The following ZNF652 variants were observed in gnomAD, a reference collection of about 807,000 sequenced individuals.
The protein encoded by ZNF652 is zinc finger protein 652.
Under a neutral mutation model 45.2 loss-of-function variants are expected in ZNF652, and 16 were observed. The ratio of observed to expected loss-of-function variants is 0.35; its 90% CI spans 0.24 to 0.54. The LOEUF (loss-of-function observed/expected upper bound fraction) is 0.54. ZNF652 is among the 20% of genes least tolerant of loss of function. ZNF652 has a pLI of 0.91. For synonymous variants in ZNF652, 250 were observed against 260.6 expected (o/e 0.96, Z 0.39); for missense variants, 614 against 765.6 (o/e 0.80, Z 2.34).
At chr17:49,347,735 G>GGTTTTT (rs1481178311) in intron 1 of ZNF652, among the ~76,000 whole-genome samples, 1 of 124,410 alleles carries the variant, frequency 8.0e-6, no homozygotes. Context: ...TTGAACCTTG[G>GGTTTTT]TTTTGTTTTT....
At chr17:49,335,105 A>G (rs1202004765) in intron 1 of ZNF652, among the ~76,000 whole-genome samples, 1 of 152,200 alleles carries the variant, frequency 6.6e-6, no homozygotes, top group Non-Finnish European at 1.5e-5. Context: ...CTTTAAAATG[A>G]TAAATTTTAT....
rs1450065501 is a variant in ZNF652, at chr17:49,295,066, T to A, written c.*3347A>T. On this transcript the variant is annotated 3_prime_UTR_variant, in exon 6 of 6. Coordinates refer to ENST00000430262, the MANE Select transcript of ZNF652 (RefSeq NM_001145365.3). ...CACATATATGTTTAAGGCTTAATCC[T>A]GCAGTTCTTCTATTCAGAAGCATTA... The A allele has an allele frequency of 6.6e-6, 1 of 152,106 alleles. No individual in the cohort carries two copies. Among genetic ancestry groups the A allele is most frequent in the Non-Finnish European group, 1.5e-5 (1 of 68,032 alleles). The allele number at this position is 152,106 out of a possible 1,614,324, so 9.4% of individuals were successfully genotyped here.
intron 1 of ZNF652, among the ~76,000 whole-genome samples, chr17:49,341,955 G>A (rs1459598544): frequency 6.6e-6 from 1 of 152,170 alleles, no homozygotes; most frequent in Non-Finnish European, 1.5e-5. Flanking sequence ...GGAGGCCAAG[G>A]CAGGCAGATC....
intron 5 of ZNF652, among the ~76,000 whole-genome samples, chr17:49,305,563 T>TAC (rs1317306527): frequency 6.6e-6 from 1 of 152,116 alleles, no homozygotes; most frequent in Non-Finnish European, 1.5e-5. Context: ...CAGTATCTGG[T>TAC]AAAGTGCTTA....
chr17:49,294,440 C>A lies in ZNF652; in HGVS notation c.*3973G>T, dbSNP rs935553240. The stretch of plus-strand genomic sequence containing the variant: ...TAAAGTTTTTTTTGTGGCGATCTCC[C>A]CTCTTGCTAAAAATAAGAATCCAGT... On this transcript the variant is annotated 3_prime_UTR_variant, in exon 6 of 6. Transcript: ENST00000430262. 2 of 152,076 alleles carry A rather than the reference C, an allele frequency of 1.3e-5. No individual in the cohort carries two copies. The highest frequency in any genetic ancestry group is 4.8e-5 in the African/African-American group (2 of 41,400). 9.4% of individuals were successfully genotyped at this position (152,076 alleles called of 1,614,324 possible).
chr17:49,354,504 G>A (rs987535910), intron 1 of ZNF652, among the ~76,000 whole-genome samples: 10 of 151,066 alleles, frequency 6.6e-5, no homozygotes, highest in South Asian at 2.1e-4. Context: ...CCAGCTACTC[G>A]GGAGGCCAAG....
At chr17:49,327,763 ATATATATATATATATATTTTTTTT>A (rs2069977045) in intron 1 of ZNF652, among the ~76,000 whole-genome samples, 1 of 6,110 alleles carries the variant, frequency 1.6e-4, no homozygotes, top group Non-Finnish European at 3.4e-4. Flanking sequence ...ATATATATAT[ATATATATATATATATATTTTTTTT>A]TTTTTTTTTT....
intron 1 of ZNF652, among the ~76,000 whole-genome samples, chr17:49,339,771 T>C (rs2070124546): frequency 1.3e-5 from 2 of 152,356 alleles, no homozygotes; most frequent in South Asian, 4.1e-4. Context: ...GCTGTGCCAC[T>C]GAAGACAGAG....
chr17:49,339,310 C>CTTTT (rs36110074), intron 1 of ZNF652, among the ~76,000 whole-genome samples: 3 of 110,974 alleles, frequency 2.7e-5, no homozygotes, highest in African/African-American at 6.9e-5. Context: ...TCAAGTGATT[C>CTTTT]TTTTTTTTTT....
At chr17:49,341,440 C>G (rs2070144873) in intron 1 of ZNF652, among the ~76,000 whole-genome samples, 1 of 138,384 alleles carries the variant, frequency 7.2e-6, no homozygotes. Context: ...ATCACTTGAG[C>G]CTCGGAGTTT....
chr17:49,309,068 A>G (rs1022418526), intron 5 of ZNF652, among the ~76,000 whole-genome samples: 1 of 152,140 alleles, frequency 6.6e-6, no homozygotes, highest in Admixed American at 6.6e-5. Context: ...GGAGACAGGC[A>G]GAGAAGATAA....
At chr17:49,351,783 A>C (rs1190432488) in intron 1 of ZNF652, among the ~76,000 whole-genome samples, 1 of 152,200 alleles carries the variant, frequency 6.6e-6, no homozygotes, top group East Asian at 1.9e-4. Context: ...AGGAGTTTTG[A>C]GGCCAGCCTG....
chr17:49,298,320 A>G lies in ZNF652; in HGVS notation c.*93T>C. ...GAAGCTCTTGGTAGAGGCGGAGGAG[A>G]GTCTGAGAACTAAGGAAATGCTCAC... On this transcript the variant is annotated 3_prime_UTR_variant, in exon 6 of 6. Coordinates refer to ENST00000430262, the MANE Select transcript of ZNF652 (RefSeq NM_001145365.3). 8 of 1,491,508 alleles carry G rather than the reference A, an allele frequency of 5.4e-6. No homozygotes were observed. Among genetic ancestry groups the G allele is most frequent in the Non-Finnish European group, 7.3e-6 (8 of 1,100,300 alleles). The allele number at this position is 1,491,508 out of a possible 1,614,324, so 92.4% of individuals were successfully genotyped here. A position where few individuals can be genotyped will look rare whatever the true frequency, so the allele number is the denominator to read the frequency against.
chr17:49,299,023 T>TCAGG (rs2069515736), intron 5 of ZNF652, 99 bp from the exon 6 acceptor site: 2 of 1,303,030 alleles, frequency 1.5e-6, no homozygotes, highest in Non-Finnish European at 2.1e-6. Flanking sequence ...ACTATGTTGA[T>TCAGG]CAGGCTGGTC....
At chr17:49,344,411 A>G (rs1231358538) in intron 1 of ZNF652, among the ~76,000 whole-genome samples, 1 of 150,532 alleles carries the variant, frequency 6.6e-6, no homozygotes, top group Non-Finnish European at 1.5e-5. Flanking sequence ...ATTTATGTTG[A>G]AGAAAAGATT....
chr17:49,336,244 T>C (rs1295951868), intron 1 of ZNF652, among the ~76,000 whole-genome samples: 1 of 151,894 alleles, frequency 6.6e-6, no homozygotes, highest in Non-Finnish European at 1.5e-5. Flanking sequence ...AGGCTGGTCT[T>C]GAACCCCTGA....
At chr17:49,314,269 C>T (rs2069766280) in intron 2 of ZNF652, among the ~76,000 whole-genome samples, 1 of 151,774 alleles carries the variant, frequency 6.6e-6, no homozygotes, top group Non-Finnish European at 1.5e-5. Context: ...TCAAGCAATT[C>T]TCCTGCCTCA....
At chr17:49,359,341 CTT>C (rs2070369300) in intron 1 of ZNF652, among the ~76,000 whole-genome samples, 1 of 152,144 alleles carries the variant, frequency 6.6e-6, no homozygotes, top group African/African-American at 2.4e-5. Flanking sequence ...TGCTTTCAAA[CTT>C]ATAGGGTATG....
At chr17:49,305,191 CAAAT>C (rs942794153) in intron 5 of ZNF652, among the ~76,000 whole-genome samples, 5 of 152,202 alleles carry the variant, frequency 3.3e-5, no homozygotes, top group African/African-American at 9.6e-5. Context: ...TTCATTCAAA[CAAAT>C]AAATTTTAAA....
Sources: gnomAD v4.1 joint callset for allele counts (sites outside exome capture counted in the v4.1 genomes callset) on GRCh38, gnomAD v4.1.1 for gene constraint, MANE v1.5 for transcripts, NCBI Gene and HGNC (gene_info 2026-07-23, HGNC 2026-07-21) for gene names.